Variants in GPR55 observed in about 807,000 individuals in gnomAD.
GPR55 encodes the protein G-protein coupled receptor 55.
A neutral mutation model predicts 7.9 loss-of-function variants in GPR55; 6 were observed. The observed-to-expected ratio is 0.76, with a 90% confidence interval of 0.41 to 1.49. The LOEUF is 1.49. Ranked by LOEUF, GPR55 falls within the 40% of genes most tolerant of loss-of-function variation. The pLI is 0.01. For synonymous variants in GPR55, 183 were observed against 166.8 expected (o/e 1.10, Z -0.75); for missense variants, 376 against 406.0 (o/e 0.93, Z 0.63).
chr2:230,931,069 T>G (rs1240490565), intron 1 of GPR55, among the ~76,000 whole-genome samples: 1 of 152,078 alleles, frequency 6.6e-6, no homozygotes, highest in Non-Finnish European at 1.5e-5. Context: ...CACACCCTAT[T>G]CTCCTGCAAA....
At chr2:230,921,495 C>A (rs147630092) in intron 1 of GPR55, among the ~76,000 whole-genome samples, 2 of 152,216 alleles carry the variant, frequency 1.3e-5, no homozygotes, top group South Asian at 4.1e-4. Context: ...CACTTAGCTG[C>A]AGTGCCATAT....
chr2:230,933,523 C>A (rs2125062710), intron 1 of GPR55, among the ~76,000 whole-genome samples: 1 of 152,366 alleles, frequency 6.6e-6, no homozygotes, highest in East Asian at 1.9e-4. Flanking sequence ...TGGGGACTGG[C>A]CTGTGGCAGT....
intron 1 of GPR55, among the ~76,000 whole-genome samples, chr2:230,947,659 A>G (rs971377532): frequency 6.6e-6 from 1 of 151,910 alleles, no homozygotes; most frequent in African/African-American, 2.4e-5. Flanking sequence ...GCACACCACC[A>G]TGCCAGGCTA....
chr2:230,911,040 A>ATACACACATTTTTCTTTGACAAATAT lies in GPR55; in HGVS notation c.-79_-78insATATTTGTCAAAGAAAAATGTGTGTA. ...AGTGATGGATTCAAATGACTTTGTC[A>ATACACACATTTTTCTTTGACAAATAT]AGAATCACAAACACCTCCCCAGCAT... On this transcript the variant is annotated 5_prime_UTR_variant, in exon 2 of 2. The change creates a new upstream start codon in the 5' untranslated region. Transcript: ENST00000650999. 1 of 1,432,452 alleles carries ATACACACATTTTTCTTTGACAAATAT rather than the reference A, an allele frequency of 7.0e-7. No individual in the cohort carries two copies. Among genetic ancestry groups the ATACACACATTTTTCTTTGACAAATAT allele is most frequent in the African/African-American group, 1.4e-5 (1 of 70,516 alleles). The allele number at this position is 1,432,452 out of a possible 1,614,324, so 88.7% of individuals were successfully genotyped here. A position where few individuals can be genotyped will look rare whatever the true frequency, so the allele number is the denominator to read the frequency against.
At position 230,909,912 on chromosome 2, in the gene GPR55, A is replaced by G. The variant is rs1690544449; in HGVS notation, c.*91T>C. ...AAGCACATCAGTGAAGATGGTGCGG[A>G]TCATCCCACCACATCAAAACCCTGG... is the stretch of plus-strand genomic sequence containing the variant. On this transcript the variant is annotated 3_prime_UTR_variant, in exon 2 of 2. Coordinates refer to ENST00000650999, the MANE Select transcript of GPR55 (RefSeq NM_005683.4). 15 of 1,253,400 alleles carry G rather than the reference A, an allele frequency of 1.2e-5. No homozygotes were observed. In the Admixed American group the frequency reaches 2.9e-4, roughly 24 times the overall value. 77.6% of individuals were successfully genotyped at this position (1,253,400 alleles called of 1,614,324 possible).
Position 230,910,098 on chromosome 2 carries a change from A to T in GPR55, c.865T>A (p.Tyr289Asn). The stretch of plus-strand genomic sequence containing the variant: ...ATGCGGAATTCTTTGATGACAAAGT[A>T]GTAGCAGAAAACATCCAGGCAGCAG... The part of the protein sequence containing the change: ...VNCCLDVFCY[Y>N]FVIKEFRMNI... The change falls in exon 2 of 2, where the codon TAC (tyrosine) becomes AAC (asparagine). Residue 289 changes from tyrosine (Y) to asparagine (N), a missense_variant. By Grantham distance (143) the Tyr-to-Asn change is moderately radical. Coordinates refer to ENST00000650999, the MANE Select transcript of GPR55 (RefSeq NM_005683.4). The surrounding 1 kb of genome is among the most constrained non-coding windows in gnomAD (Gnocchi z 5.4). 6.2e-7 allele frequency: 1 copy of T among 1,614,182 alleles called. No individual in the cohort carries two copies. Among genetic ancestry groups the T allele is most frequent in the Non-Finnish European group, 8.5e-7 (1 of 1,179,992 alleles).
intron 1 of GPR55, among the ~76,000 whole-genome samples, chr2:230,952,402 G>T (rs1691417135): frequency 6.6e-6 from 1 of 152,234 alleles, no homozygotes; most frequent in Admixed American, 6.5e-5. Flanking sequence ...TCTACATGAG[G>T]TTGGCTCATT....
At chr2:230,958,943 G>GT (rs1228776768) in intron 1 of GPR55, among the ~76,000 whole-genome samples, 1 of 152,090 alleles carries the variant, frequency 6.6e-6, no homozygotes, top group Non-Finnish European at 1.5e-5. Context: ...TGAAATCTTG[G>GT]TTTATAACTG....
chr2:230,958,381 T>C (rs1044293293), intron 1 of GPR55, among the ~76,000 whole-genome samples: 1 of 152,258 alleles, frequency 6.6e-6, no homozygotes, highest in Non-Finnish European at 1.5e-5. Context: ...ATTTATCCTC[T>C]GTGTTACAAA....
rs772150456 is a variant in GPR55 at position 230,920,496 on chromosome 2, A to AAAATTG, written c.-135+4666_-135+4671dup. 6.2e-4 allele frequency among the ~76,000 whole-genome samples: 94 copies of AAAATTG among 152,212 alleles called. 1 individual carries two copies. Among genetic ancestry groups the AAAATTG allele is most frequent in the Admixed American group, 1.6e-3 (24 of 15,290 alleles). On this transcript the variant is annotated intron_variant, in intron 1 of 1. Transcript: ENST00000650999. The stretch of plus-strand genomic sequence containing the variant: ...ACCTGATTCATGATTTTTTTAAAAA[A>AAAATTG]AAATTGAAAAATAAACAAGTTTCCT...
chr2:230,933,337 T>C (rs1040405852), intron 1 of GPR55, among the ~76,000 whole-genome samples: 1 of 152,152 alleles, frequency 6.6e-6, no homozygotes, highest in African/African-American at 2.4e-5. Flanking sequence ...GTCCACCGCA[T>C]CCTCCACCTG....
chr2:230,960,505 A>G (rs1235013549), intron 1 of GPR55, among the ~76,000 whole-genome samples: 1 of 152,140 alleles, frequency 6.6e-6, no homozygotes, highest in Admixed American at 6.5e-5. Context: ...GGAAAAAAAA[A>G]TACCTTGGGA....
intron 1 of GPR55, among the ~76,000 whole-genome samples, chr2:230,912,213 A>G (rs1690608439): frequency 6.6e-6 from 1 of 152,198 alleles, no homozygotes; most frequent in Non-Finnish European, 1.5e-5. Context: ...TATGCCTGGC[A>G]TCTTCCTTAA....
At chr2:230,936,255 TC>T (rs1471394742) in intron 1 of GPR55, among the ~76,000 whole-genome samples, 4 of 152,164 alleles carry the variant, frequency 2.6e-5, no homozygotes, top group Non-Finnish European at 5.9e-5. Context: ...TTTGGCTGTG[TC>T]CCCACCCAAA....
At chr2:230,945,221 C>T (rs1691291861) in intron 1 of GPR55, among the ~76,000 whole-genome samples, 1 of 151,992 alleles carries the variant, frequency 6.6e-6, no homozygotes, top group Non-Finnish European at 1.5e-5. Flanking sequence ...GAAGCGGGGA[C>T]GTGGGTGGCG....
At chr2:230,957,570 G>A in intron 1 of GPR55, 1 of 402,334 alleles carries the variant, frequency 2.5e-6, no homozygotes, top group Admixed American at 3.4e-5. Context: ...GTGCTGGGCG[G>A]GTGGAGGCGG....
chr2:230,941,539 C>T (rs1203553554), intron 1 of GPR55, among the ~76,000 whole-genome samples: 3 of 152,190 alleles, frequency 2.0e-5, no homozygotes, highest in African/African-American at 7.2e-5. Flanking sequence ...GGCCTTCCCT[C>T]CCTGGGACCA....
chr2:230,914,229 G>T (rs1282777810), intron 1 of GPR55, among the ~76,000 whole-genome samples: 1 of 152,222 alleles, frequency 6.6e-6, no homozygotes, highest in Non-Finnish European at 1.5e-5. Context: ...ACAACCTCAG[G>T]TGCTGGGATG....
chr2:230,918,795 T>C (rs976925590), intron 1 of GPR55, among the ~76,000 whole-genome samples: 3 of 152,128 alleles, frequency 2.0e-5, no homozygotes, highest in Non-Finnish European at 2.9e-5. Context: ...AGAGCAAAAA[T>C]AAAAAGTCAT....
Sources: gnomAD v4.1 joint callset for allele counts (sites outside exome capture counted in the v4.1 genomes callset) on GRCh38, gnomAD v4.1.1 for gene constraint, Gnocchi (gnomAD v3.1) non-coding constraint, MANE v1.5 for transcripts, NCBI Gene and HGNC (gene_info 2026-07-23, HGNC 2026-07-21) for gene names.